Variants in FARS2 observed in about 807,000 individuals in gnomAD.
FARS2 encodes the protein phenylalanine--tRNA ligase, mitochondrial.
Under a neutral mutation model 46.4 loss-of-function variants are expected in FARS2, and 40 were observed. The observed-to-expected ratio is 0.86, with a 90% CI of 0.67 to 1.12. The LOEUF is 1.12. Ranked by LOEUF, FARS2 falls within the 50% of genes most tolerant of loss-of-function variation. FARS2 has a pLI of 0.00. For missense variants in FARS2, 513 were observed against 567.9 expected, an observed-to-expected ratio of 0.90 and a Z score of 0.98; for synonymous variants, 234 against 214.9, an observed-to-expected ratio of 1.09 and a Z score of -0.78.
chr6:5,286,470 C>T (rs1767118671), intron 1 of FARS2, among the ~76,000 whole-genome samples: 1 of 152,086 alleles, frequency 6.6e-6, no homozygotes, highest in Non-Finnish European at 1.5e-5. Flanking sequence ...TACATGTTGC[C>T]CAGACTGTTA....
In FARS2 at chr6:5,690,353, GT is replaced by G. The variant is rs1332874570; in HGVS notation, c.1217+77036del. On this transcript the variant is annotated intron_variant, in intron 6 of 6. Coordinates refer to ENST00000274680, the MANE Select transcript of FARS2 (RefSeq NM_006567.5). ...GCTAGTACTGGTTGTTCCTTTGCAT[GT>G]TTAGTGCTTCCTTCAGGAGCTCTTT... is the stretch of plus-strand genomic sequence containing the variant. 2.0e-5 allele frequency among the ~76,000 whole-genome samples: 3 copies of G among 151,918 alleles called. No individual in the cohort carries two copies. In the East Asian group the frequency reaches 5.8e-4, roughly 29 times the overall value.
chr6:5,661,786 A>G (rs937273433), intron 6 of FARS2, among the ~76,000 whole-genome samples: 2 of 146,460 alleles, frequency 1.4e-5, no homozygotes, highest in Non-Finnish European at 3.0e-5. Flanking sequence ...GAAGAAAAGA[A>G]GAGAGACAAG....
intron 6 of FARS2, among the ~76,000 whole-genome samples, chr6:5,710,012 C>A (rs1305862064): frequency 1.3e-5 from 2 of 152,166 alleles, no homozygotes; most frequent in Non-Finnish European, 2.9e-5. Flanking sequence ...GGGCCATTTT[C>A]ATTTAAAACC....
At chr6:5,313,048 A>G (rs762022116) in intron 1 of FARS2, among the ~76,000 whole-genome samples, 12 of 152,150 alleles carry the variant, frequency 7.9e-5, no homozygotes, top group Non-Finnish European at 1.6e-4. Flanking sequence ...AGAGAGAGAA[A>G]AAGTGTGTGG....
intron 5 of FARS2, among the ~76,000 whole-genome samples, chr6:5,594,092 G>A (rs71557574): frequency 0.011 from 1,736 of 152,276 alleles, 16 homozygotes; most frequent in Non-Finnish European, 0.02. Context: ...TTTTTGGGTG[G>A]AAGGGAAAGA....
intron 2 of FARS2, among the ~76,000 whole-genome samples, chr6:5,378,022 TAAAG>T (rs1358250893): frequency 6.6e-6 from 1 of 152,068 alleles, no homozygotes. Flanking sequence ...CACACAGAAA[TAAAG>T]GGAAATCTTT....
chr6:5,267,279 A>T (rs183405354), intron 1 of FARS2, among the ~76,000 whole-genome samples: 1 of 151,886 alleles, frequency 6.6e-6, no homozygotes, highest in East Asian at 1.9e-4. Flanking sequence ...TCTGTTATAG[A>T]TCACTTTCAT....
chr6:5,563,776 C>T (rs6597142), intron 5 of FARS2, among the ~76,000 whole-genome samples: 40,448 of 151,970 alleles, frequency 0.27, 6,272 homozygotes, highest in East Asian at 0.51. Context: ...GGTCCAAATA[C>T]CAATACAAGA....
chr6:5,629,838 T>C (rs893335323), intron 6 of FARS2, among the ~76,000 whole-genome samples: 16 of 151,866 alleles, frequency 1.1e-4, no homozygotes, highest in Non-Finnish European at 1.6e-4. Context: ...CTCAAATCTA[T>C]GGGAAACGGG....
chr6:5,455,311 C>T (rs1430234802), intron 4 of FARS2, among the ~76,000 whole-genome samples: 2 of 152,174 alleles, frequency 1.3e-5, no homozygotes, highest in Non-Finnish European at 2.9e-5. Flanking sequence ...AATATATACA[C>T]TTTTATTGCC....
At chr6:5,430,601 A>G (rs541022566) in intron 3 of FARS2, among the ~76,000 whole-genome samples, 1 of 151,890 alleles carries the variant, frequency 6.6e-6, no homozygotes, top group East Asian at 1.9e-4. Flanking sequence ...TATGGAAGTA[A>G]AAGTTGATCA....
chr6:5,562,123 G>A (rs1772020087), intron 5 of FARS2, among the ~76,000 whole-genome samples: 1 of 151,964 alleles, frequency 6.6e-6, no homozygotes, highest in Admixed American at 6.6e-5. Context: ...TATTCTTGTT[G>A]TTGATTTAAT....
chr6:5,586,882 G>A (rs765915691), intron 5 of FARS2, among the ~76,000 whole-genome samples: 3 of 152,100 alleles, frequency 2.0e-5, no homozygotes, highest in Non-Finnish European at 4.4e-5. Flanking sequence ...ATCCTGATAT[G>A]CTAAACCACA....
At position 5,471,479 on chromosome 6, in the gene FARS2, G is replaced by A. The variant is rs1414307602; in HGVS notation, c.904+40307G>A. Among the ~76,000 whole-genome samples, 1 of 152,162 alleles carries A rather than the reference G, an allele frequency of 6.6e-6. No homozygotes were observed. The highest frequency in any genetic ancestry group is 1.5e-5 in the Non-Finnish European group (1 of 68,040). On this transcript the variant is annotated intron_variant, in intron 4 of 6. Coordinates refer to ENST00000274680, the MANE Select transcript of FARS2 (RefSeq NM_006567.5). The surrounding 1 kb of genome is among the most constrained non-coding windows in gnomAD (Gnocchi z 4.1). Reference sequence around the variant, plus strand: ...ACTCCAGGACTTTTAATTTCCTCTTGAATAATTCCTTTAATGAAGGACATA... The same window carrying A: ...ACTCCAGGACTTTTAATTTCCTCTTAAATAATTCCTTTAATGAAGGACATA...
In FARS2 at chr6:5,765,746, C is replaced by T. The variant is rs1236980887; in HGVS notation, c.1218-5545C>T. ...ACTAGGGAACAGTCCTTTGCTCAGC[C>T]GGCTCCTGGGTTTCTGCAGGACCTC... On this transcript the variant is annotated intron_variant, in intron 6 of 6. Coordinates refer to ENST00000274680, the MANE Select transcript of FARS2 (RefSeq NM_006567.5). The surrounding 1 kb of genome is among the most constrained non-coding windows in gnomAD (Gnocchi z 4.0). Among the ~76,000 whole-genome samples, 2 of 152,166 alleles carry T rather than the reference C, an allele frequency of 1.3e-5. No individual in the cohort carries two copies. Among genetic ancestry groups the T allele is most frequent in the Non-Finnish European group, 2.9e-5 (2 of 68,032 alleles).
At chr6:5,738,216 G>A (rs774744320) in intron 6 of FARS2, among the ~76,000 whole-genome samples, 2 of 152,198 alleles carry the variant, frequency 1.3e-5, no homozygotes, top group Non-Finnish European at 2.9e-5. Flanking sequence ...CTCCCAAAGT[G>A]TTGGGATTAC....
chr6:5,464,137 C>T (rs191570807), intron 4 of FARS2, among the ~76,000 whole-genome samples: 3 of 152,342 alleles, frequency 2.0e-5, no homozygotes, highest in East Asian at 3.9e-4. Context: ...TGAACACCTG[C>T]TGTGTGCTGT....
intron 5 of FARS2, among the ~76,000 whole-genome samples, chr6:5,607,619 G>A (rs116450468): frequency 1.6e-3 from 251 of 152,216 alleles, no homozygotes; most frequent in Non-Finnish European, 3.0e-3. Context: ...TGTCCCCACT[G>A]AGGTCTGATG....
At chr6:5,634,751 C>G (rs976801335) in intron 6 of FARS2, among the ~76,000 whole-genome samples, 1 of 152,188 alleles carries the variant, frequency 6.6e-6, no homozygotes, top group Non-Finnish European at 1.5e-5. Context: ...GTGGCAATCC[C>G]CTAGTCCCTT....
Sources: allele counts gnomAD v4.1 joint callset (sites outside exome capture counted in the v4.1 genomes callset), GRCh38; gene constraint gnomAD v4.1.1; non-coding constraint Gnocchi (gnomAD v3.1); transcripts MANE v1.5; gene names NCBI Gene and HGNC (gene_info 2026-07-23, HGNC 2026-07-21).